OR52E4: variants seen among roughly 807,000 people sequenced by gnomAD.
The protein encoded by OR52E4 is olfactory receptor family 52 subfamily E member 4, also known as olfactory receptor 52E4.
For synonymous variants in OR52E4, 169 were observed against 137.4 expected, an observed-to-expected ratio of 1.23 and a Z score of -1.61; for missense variants, 444 against 383.8, an observed-to-expected ratio of 1.16 and a Z score of -1.31.
chr11:5,881,082 T>C (rs1846957531), intron 1 of OR52E4, among the ~76,000 whole-genome samples: 2 of 152,164 alleles, frequency 1.3e-5, no homozygotes, highest in African/African-American at 4.8e-5. Context: ...GACAAAAGGA[T>C]GTTATTGCAG....
Position 5,880,692 on chromosome 11 carries a change from C to T in OR52E4, c.-97C>T, listed in dbSNP as rs1317206364. 1 of 152,128 alleles carries T rather than the reference C, an allele frequency of 6.6e-6. No homozygotes were observed. The highest frequency in any genetic ancestry group is 1.5e-5 in the Non-Finnish European group (1 of 68,066). The allele number at this position is 152,128 out of a possible 1,614,324, so 9.4% of individuals were successfully genotyped here. A position where few individuals can be genotyped will look rare whatever the true frequency, so the allele number is the denominator to read the frequency against. ...GCTCCAATTCTGCTCCAAGTGAGGG[C>T]TGGGAGAAGAAATATTACAGAGGTA... is the stretch of plus-strand genomic sequence containing the variant. On this transcript the variant is annotated 5_prime_UTR_variant, in exon 1 of 2. Transcript: ENST00000641726.
chr11:5,884,523 A>G lies in OR52E4; in HGVS notation c.231A>G (p.Thr77=). 1 of 1,613,478 alleles carries G rather than the reference A, an allele frequency of 6.2e-7. No homozygotes were observed. The highest frequency in any genetic ancestry group is 8.5e-7 in the Non-Finnish European group (1 of 1,179,652). ...MLSMIDLGLS[T]STIPKMLGIF... Reference sequence around the variant, plus strand: ...CTATGATTGATCTGGGTCTGTCCACATCCACTATCCCCAAAATGCTAGGAA... The same window carrying G: ...CTATGATTGATCTGGGTCTGTCCACGTCCACTATCCCCAAAATGCTAGGAA... The change falls in exon 2 of 2, where the codon ACA becomes ACG. Residue 77 remains threonine (T), a synonymous_variant. Coordinates refer to ENST00000641726, the MANE Select transcript of OR52E4 (RefSeq NM_001005165.2).
At position 5,885,080 on chromosome 11, in the gene OR52E4, A is replaced by G; in HGVS notation, c.788A>G (p.His263Arg). Residue 263 changes from histidine (H) to arginine (R), a missense_variant, in exon 2 of 2, where the codon CAT (histidine) becomes CGT (arginine). Coordinates refer to ENST00000641726, the MANE Select transcript of OR52E4 (RefSeq NM_001005165.2). ...CCAGCATTTTTTTCTTTTATGACAC[A>G]TCGTTTTGGCCAAAACATTCCCCAC... ...YTPAFFSFMT[H>R]RFGQNIPHYI... The G allele has an allele frequency of 6.2e-7, 1 of 1,613,500 alleles. No individual in the cohort carries two copies. The highest frequency in any genetic ancestry group is 8.5e-7 in the Non-Finnish European group (1 of 1,179,722).
At position 5,885,759 on chromosome 11, in the gene OR52E4, C is replaced by T. The variant is rs935954; in HGVS notation, c.*528C>T. 0.82 allele frequency: 124,569 copies of T among 152,300 alleles called. 51,106 individuals carry two copies. Among genetic ancestry groups the T allele is most frequent in the African/African-American group, 0.88 (36,477 of 41,484 alleles). 9.4% of individuals were successfully genotyped at this position (152,300 alleles called of 1,614,324 possible). A position where few individuals can be genotyped will look rare whatever the true frequency, so the allele number is the denominator to read the frequency against. On this transcript the variant is annotated 3_prime_UTR_variant, in exon 2 of 2. Transcript: ENST00000641726. Reference sequence around the variant, plus strand: ...CTGTTACTGCCATTTTTGCTCCTTTCCTTCTTTCAGATTCCTGCTCTCTCT... The same window carrying T: ...CTGTTACTGCCATTTTTGCTCCTTTTCTTCTTTCAGATTCCTGCTCTCTCT...
intron 1 of OR52E4, among the ~76,000 whole-genome samples, chr11:5,881,876 G>A (rs1846967687): frequency 6.6e-6 from 1 of 152,012 alleles, no homozygotes; most frequent in Non-Finnish European, 1.5e-5. Flanking sequence ...TCTCAAGCAA[G>A]TAAATGGTTT....
intron 1 of OR52E4, among the ~76,000 whole-genome samples, 177 bp downstream of exon 1, chr11:5,880,891 A>G (rs1164037820): frequency 1.6e-5 from 1 of 60,726 alleles, no homozygotes; most frequent in Non-Finnish European, 3.4e-5. Flanking sequence ...GCAGTGGTGT[A>G]CCAATTAGTA....
chr11:5,883,543 C>T lies in OR52E4; in HGVS notation c.-74-676C>T, dbSNP rs538809675. Among the ~76,000 whole-genome samples the T allele has an allele frequency of 4.0e-5, 6 of 151,636 alleles. No individual in the cohort carries two copies. In the South Asian group the frequency reaches 8.3e-4, roughly 21 times the overall value. On this transcript the variant is annotated intron_variant, in intron 1 of 1. Coordinates refer to ENST00000641726, the MANE Select transcript of OR52E4 (RefSeq NM_001005165.2). ...CATCCATAATATTTATATTATTAGACATTAGAGCAAAATTTAAATATTTAA... is the reference window on the plus strand; with the variant it reads ...CATCCATAATATTTATATTATTAGATATTAGAGCAAAATTTAAATATTTAA...
At position 5,884,877 on chromosome 11, in the gene OR52E4, G is replaced by T. The variant is rs1488337976; in HGVS notation, c.585G>T (p.Lys195Asn). ...CCGGGTTGGCCTGTGCACCCATTAA[G>T]ATCAACATAATCTATGGGCTCATGG... The part of the protein sequence containing the change: ...GLAGLACAPI[K>N]INIIYGLMVI... The change falls in exon 2 of 2, where the codon AAG becomes AAT. Residue 195 changes from lysine to asparagine, a missense_variant. Physicochemically the swap from Lys to Asn is moderately conservative, Grantham distance 94. Coordinates refer to ENST00000641726, the MANE Select transcript of OR52E4 (RefSeq NM_001005165.2). 6.2e-7 allele frequency: 1 copy of T among 1,613,250 alleles called. No individual in the cohort carries two copies. Among genetic ancestry groups the T allele is most frequent in the East Asian group, 2.2e-5 (1 of 44,814 alleles).
At chr11:5,883,630 ACT>A (rs1247236536) in intron 1 of OR52E4, among the ~76,000 whole-genome samples, 5 of 151,870 alleles carry the variant, frequency 3.3e-5, no homozygotes, top group African/African-American at 7.2e-5. Flanking sequence ...TGTTAAAATC[ACT>A]GTTTTTCAAG....
intron 1 of OR52E4, among the ~76,000 whole-genome samples, chr11:5,881,162 T>C (rs1846958391): frequency 6.6e-6 from 1 of 152,178 alleles, no homozygotes; most frequent in South Asian, 2.1e-4. Flanking sequence ...TACAATTACA[T>C]AGGCATTAAC....
chr11:5,882,170 G>A (rs931427544), intron 1 of OR52E4, among the ~76,000 whole-genome samples: 1 of 152,078 alleles, frequency 6.6e-6, no homozygotes, highest in Non-Finnish European at 1.5e-5. Flanking sequence ...GCCATACACT[G>A]TCTGCTACTG....
In OR52E4 at chr11:5,884,097, T is replaced by C. The variant is rs959508086; in HGVS notation, c.-74-122T>C. 5 of 539,870 alleles carry C rather than the reference T, an allele frequency of 9.3e-6. No homozygotes were observed. The African/African-American group carries it at 9.5e-5, about 10-fold the overall frequency. 33.4% of individuals were successfully genotyped at this position (539,870 alleles called of 1,614,324 possible). ...TTGCCTATGATGGATCTCAGAACAA[T>C]AATCTGTGTTGAGAGGCTTCCTCGA... On this transcript the variant is annotated intron_variant, in intron 1 of 1. Transcript: ENST00000641726.
intron 1 of OR52E4, among the ~76,000 whole-genome samples, chr11:5,882,559 G>C (rs1220134174): frequency 1.3e-5 from 2 of 151,832 alleles, no homozygotes; most frequent in East Asian, 3.9e-4. Flanking sequence ...ATACAGAATG[G>C]GGAATTATTA....
At chr11:5,881,514 A>G (rs1170718953) in intron 1 of OR52E4, among the ~76,000 whole-genome samples, 3 of 152,104 alleles carry the variant, frequency 2.0e-5, no homozygotes, top group African/African-American at 7.2e-5. Context: ...CTAGACATAA[A>G]TATTAATGTC....
rs996865942 is a variant in OR52E4, at chr11:5,886,547, G to A, written c.*1316G>A. On this transcript the variant is annotated 3_prime_UTR_variant, in exon 2 of 2. Coordinates refer to ENST00000641726, the MANE Select transcript of OR52E4 (RefSeq NM_001005165.2). Reference sequence around the variant, plus strand: ...TAAGCACAGGGCCAGACTTGATATCGACTTCAAAATAATATCATTATAATT... The same window carrying A: ...TAAGCACAGGGCCAGACTTGATATCAACTTCAAAATAATATCATTATAATT... The A allele has an allele frequency of 3.3e-5, 5 of 151,904 alleles. No homozygotes were observed. The highest frequency in any genetic ancestry group is 9.7e-5 in the African/African-American group (4 of 41,342). 9.4% of individuals were successfully genotyped at this position (151,904 alleles called of 1,614,324 possible). A position where few individuals can be genotyped will look rare whatever the true frequency, so the allele number is the denominator to read the frequency against.
In OR52E4 at chr11:5,885,832, A is replaced by G. The variant is rs1477107000; in HGVS notation, c.*601A>G. ...AGTGTCAACTTTATTTGACTGAAGG[A>G]TACAAAGTATTGATCCTGGTTTTGT... On this transcript the variant is annotated 3_prime_UTR_variant, in exon 2 of 2. Coordinates refer to ENST00000641726, the MANE Select transcript of OR52E4 (RefSeq NM_001005165.2). The G allele has an allele frequency of 6.6e-6, 1 of 152,052 alleles. No individual in the cohort carries two copies. The highest frequency in any genetic ancestry group is 1.5e-5 in the Non-Finnish European group (1 of 68,022). 9.4% of individuals were successfully genotyped at this position (152,052 alleles called of 1,614,324 possible). A position where few individuals can be genotyped will look rare whatever the true frequency, so the allele number is the denominator to read the frequency against.
chr11:5,885,927 T>C lies in OR52E4; in HGVS notation c.*696T>C, dbSNP rs1214962313. The C allele has an allele frequency of 2.6e-5, 4 of 152,124 alleles. No homozygotes were observed. The highest frequency in any genetic ancestry group is 9.7e-5 in the African/African-American group (4 of 41,424). The allele number at this position is 152,124 out of a possible 1,614,324, so 9.4% of individuals were successfully genotyped here. On this transcript the variant is annotated 3_prime_UTR_variant, in exon 2 of 2. Transcript: ENST00000641726. Reference sequence around the variant, plus strand: ...CTGGGAAAGGCAGACCCACCTTCAATCTGGGTGGGCACCATCTAATCAGCT... The same window carrying C: ...CTGGGAAAGGCAGACCCACCTTCAACCTGGGTGGGCACCATCTAATCAGCT...
At chr11:5,883,482 T>A (rs1271744162) in intron 1 of OR52E4, among the ~76,000 whole-genome samples, 2 of 152,108 alleles carry the variant, frequency 1.3e-5, no homozygotes, top group East Asian at 1.9e-4. Flanking sequence ...ATCTAGAAAC[T>A]ATTGAGATAC....
chr11:5,881,836 A>G (rs1352264314), intron 1 of OR52E4, among the ~76,000 whole-genome samples: 1 of 152,076 alleles, frequency 6.6e-6, no homozygotes, highest in Non-Finnish European at 1.5e-5. Context: ...AAAAAAACTG[A>G]TCTATCTGGT....
Sources: gnomAD v4.1 joint callset for allele counts (sites outside exome capture counted in the v4.1 genomes callset) on GRCh38, gnomAD v4.1.1 for gene constraint, MANE v1.5 for transcripts, NCBI Gene and HGNC (gene_info 2026-07-23, HGNC 2026-07-21) for gene names.